The following ITPRID1 variants were observed in gnomAD, a reference collection of about 807,000 sequenced individuals.
ITPRID1 encodes protein ITPRID1.
A neutral mutation model predicts 95.4 loss-of-function variants in ITPRID1; 96 were observed. That is an observed-to-expected ratio of 1.01 (90% CI 0.85 to 1.19). ITPRID1 has a LOEUF of 1.19. ITPRID1 is among the 50% of genes most tolerant of loss of function. The pLI, the probability that ITPRID1 is intolerant of heterozygous loss-of-function variation, is 0.00. For missense variants in ITPRID1, 1,339 were observed against 1,252.9 expected, an observed-to-expected ratio of 1.07 and a Z score of -1.04; for synonymous variants, 510 against 453.6, an observed-to-expected ratio of 1.12 and a Z score of -1.58.
chr7:31,518,442 T>C (rs554034592), intron 1 of ITPRID1: 1 of 152,408 alleles, frequency 6.6e-6, no homozygotes, highest in Non-Finnish European at 1.5e-5. Context: ...GAACTCGATG[T>C]TTCAAGTGAT....
chr7:31,554,769 AT>A, intron 4 of ITPRID1, 88 bp from the exon 5 acceptor site: 1 of 1,170,176 alleles, frequency 8.5e-7, no homozygotes, highest in Admixed American at 2.1e-5. Flanking sequence ...CTAACTCTGC[AT>A]TTGCTCTCAC....
At chr7:31,568,647 T>C (rs989383115) in intron 5 of ITPRID1, among the ~76,000 whole-genome samples, 5 of 152,336 alleles carry the variant, frequency 3.3e-5, no homozygotes, top group African/African-American at 1.2e-4. Flanking sequence ...AATCTTGCAA[T>C]GGCCCCTGAA....
At chr7:31,642,367 G>T (rs1401841435) in intron 11 of ITPRID1, 109 bp downstream of exon 11, 6 of 777,084 alleles carry the variant, frequency 7.7e-6, no homozygotes, top group South Asian at 5.6e-5. Context: ...AGAAAGAGGG[G>T]TGTTTTAAAT....
intron 14 of ITPRID1, 55 bp downstream of exon 14, chr7:31,652,105 G>A (rs980610968): frequency 2.4e-6 from 3 of 1,228,916 alleles, no homozygotes; most frequent in African/African-American, 3.0e-5. Flanking sequence ...CAGGAGAGGT[G>A]CATTAAATGA....
intron 10 of ITPRID1, among the ~76,000 whole-genome samples, chr7:31,614,365 C>T (rs781450098): frequency 2.0e-5 from 3 of 152,016 alleles, no homozygotes; most frequent in Non-Finnish European, 4.4e-5. Flanking sequence ...AACTTTAGCT[C>T]AATAACTTGT....
At chr7:31,541,510 CT>C (rs1200672143) in intron 1 of ITPRID1, among the ~76,000 whole-genome samples, 2 of 152,120 alleles carry the variant, frequency 1.3e-5, no homozygotes, top group African/African-American at 4.8e-5. Context: ...TATCTGGTAC[CT>C]TTGCGGCACA....
intron 10 of ITPRID1, among the ~76,000 whole-genome samples, chr7:31,584,215 T>A (rs1785505845): frequency 6.6e-6 from 1 of 152,200 alleles, no homozygotes; most frequent in African/African-American, 2.4e-5. Flanking sequence ...AATATGCAAA[T>A]TTTTAATTTA....
rs1362830511 is a variant in ITPRID1, at chr7:31,530,381, G to T, written c.-98+16261G>T. Among the ~76,000 whole-genome samples, 2 of 152,176 alleles carry T rather than the reference G, an allele frequency of 1.3e-5. 1 individual carries two copies. The highest frequency in any genetic ancestry group is 4.8e-5 in the African/African-American group (2 of 41,440). Reference sequence around the variant, plus strand: ...ACTGAACGTGATGTACTGGAGCCATGTAGGAATGGAGAAAGCTGACTCAGG... The same window carrying T: ...ACTGAACGTGATGTACTGGAGCCATTTAGGAATGGAGAAAGCTGACTCAGG... On this transcript the variant is annotated intron_variant, in intron 1 of 14. Transcript: ENST00000615280.
At chr7:31,545,593 T>C (rs1270893049) in intron 1 of ITPRID1, among the ~76,000 whole-genome samples, 1 of 152,138 alleles carries the variant, frequency 6.6e-6, no homozygotes, top group African/African-American at 2.4e-5. Flanking sequence ...AGTCTTTTCC[T>C]TATTTTCACC....
At chr7:31,611,498 G>T (rs533679868) in intron 10 of ITPRID1, among the ~76,000 whole-genome samples, 1 of 151,730 alleles carries the variant, frequency 6.6e-6, no homozygotes, top group East Asian at 1.9e-4. Context: ...ACTTTCATTA[G>T]TTTTTCTTAT....
At chr7:31,628,582 C>A (rs1229942849) in intron 10 of ITPRID1, among the ~76,000 whole-genome samples, 16 of 151,994 alleles carry the variant, frequency 1.1e-4, no homozygotes, top group Non-Finnish European at 2.9e-5. Context: ...CTCAGCCTCC[C>A]CAGCAGCTGG....
chr7:31,541,636 T>C (rs1038195582), intron 1 of ITPRID1, among the ~76,000 whole-genome samples: 1 of 152,146 alleles, frequency 6.6e-6, no homozygotes, highest in African/African-American at 2.4e-5. Flanking sequence ...TTTATACAAA[T>C]ATAACCCAAA....
chr7:31,636,311 ATCAC>A (rs1789476943), intron 10 of ITPRID1, among the ~76,000 whole-genome samples: 1 of 152,178 alleles, frequency 6.6e-6, no homozygotes, highest in Admixed American at 6.5e-5. Flanking sequence ...GCTCTAACAT[ATCAC>A]TCTGTGCTAG....
intron 7 of ITPRID1, among the ~76,000 whole-genome samples, chr7:31,573,920 A>G (rs1785083850): frequency 6.6e-6 from 1 of 151,834 alleles, no homozygotes; most frequent in South Asian, 2.1e-4. Context: ...ATTGATGTTT[A>G]TCATTTAAAG....
In ITPRID1 at chr7:31,648,218, T is replaced by C. The variant is rs562891681; in HGVS notation, c.2584-2924T>C. Among the ~76,000 whole-genome samples the C allele has an allele frequency of 2.6e-4, 40 of 152,272 alleles. 1 individual carries two copies. In the South Asian group the frequency reaches 3.7e-3, roughly 14 times the overall value. On this transcript the variant is annotated intron_variant, in intron 12 of 14. Coordinates refer to ENST00000615280, the MANE Select transcript of ITPRID1 (RefSeq NM_001257967.3). ...TTCAAAGTGAAAATTCATTGTCTTT[T>C]GGTGATGGTGCTCTTACCATTGAAG...
intron 10 of ITPRID1, among the ~76,000 whole-genome samples, chr7:31,599,245 G>A (rs760997839): frequency 3.9e-5 from 6 of 152,180 alleles, no homozygotes; most frequent in Non-Finnish European, 8.8e-5. Flanking sequence ...TAGTAAAGAA[G>A]TTAGTCTATC....
At chr7:31,580,486 A>G (rs989123404) in intron 9 of ITPRID1, among the ~76,000 whole-genome samples, 28 of 152,114 alleles carry the variant, frequency 1.8e-4, no homozygotes, top group Non-Finnish European at 3.4e-4. Flanking sequence ...ATGTCAGAGT[A>G]TAGGGATAGA....
At chr7:31,614,862 G>A (rs1435687650) in intron 10 of ITPRID1, among the ~76,000 whole-genome samples, 1 of 152,022 alleles carries the variant, frequency 6.6e-6, no homozygotes, top group African/African-American at 2.4e-5. Context: ...TGATTCGGGG[G>A]CCCCATTTAT....
chr7:31,646,741 T>C (rs1281841935), intron 12 of ITPRID1, among the ~76,000 whole-genome samples: 1 of 152,158 alleles, frequency 6.6e-6, no homozygotes, highest in Non-Finnish European at 1.5e-5. Flanking sequence ...CCCATTATGC[T>C]CAGTAACTGT....
Sources: gnomAD v4.1 joint callset for allele counts (sites outside exome capture counted in the v4.1 genomes callset) on GRCh38, gnomAD v4.1.1 for gene constraint, MANE v1.5 for transcripts, NCBI Gene and HGNC (gene_info 2026-07-23, HGNC 2026-07-21) for gene names.